Variants in LDHC observed in about 807,000 individuals in gnomAD.
LDHC encodes lactate dehydrogenase C.
A neutral mutation model predicts 30.2 loss-of-function variants in LDHC; 20 were observed. That is an observed-to-expected ratio of 0.66 (90% CI 0.47 to 0.96). The LOEUF (loss-of-function observed/expected upper bound fraction) is 0.96. LDHC is among the 40% of genes least tolerant of loss of function. The probability of loss-of-function intolerance (pLI) is 0.00; values close to 1 mark genes in which losing one functional copy is unlikely to be tolerated. For missense variants in LDHC, 362 were observed against 394.9 expected (o/e 0.92, Z 0.71); for synonymous variants, 139 against 132.7 (o/e 1.05, Z -0.32).
chr11:18,418,033 A>G (rs958511805), intron 3 of LDHC, among the ~76,000 whole-genome samples: 2 of 151,936 alleles, frequency 1.3e-5, no homozygotes, highest in Non-Finnish European at 2.9e-5. Flanking sequence ...GCTAAAATAT[A>G]TATAATAATA....
At chr11:18,421,602 G>A (rs977709037) in intron 3 of LDHC, among the ~76,000 whole-genome samples, 1 of 151,984 alleles carries the variant, frequency 6.6e-6, no homozygotes, top group Non-Finnish European at 1.5e-5. Context: ...TAACCTGGGA[G>A]ACGGAGGTGG....
chr11:18,432,533 A>T (rs180919630), intron 4 of LDHC, among the ~76,000 whole-genome samples: 102 of 152,182 alleles, frequency 6.7e-4, no homozygotes, highest in Non-Finnish European at 1.2e-3. Flanking sequence ...TTCTGTCTTG[A>T]TGACCTGTCT....
intron 3 of LDHC, among the ~76,000 whole-genome samples, chr11:18,420,441 G>A (rs1867099721): frequency 6.6e-6 from 1 of 152,026 alleles, no homozygotes; most frequent in African/African-American, 2.4e-5. Context: ...TACAGAAAAG[G>A]GAGAGGGTGA....
chr11:18,415,834 A>C (rs1017297982), intron 3 of LDHC, among the ~76,000 whole-genome samples: 11 of 152,000 alleles, frequency 7.2e-5, no homozygotes, highest in African/African-American at 2.7e-4. Context: ...CTGGGATTAC[A>C]GGCATGCGCT....
Position 18,415,144 on chromosome 11 carries a change from T to C in LDHC, c.127-40T>C, listed in dbSNP as rs1390926145. 3 of 1,141,288 alleles carry C rather than the reference T, an allele frequency of 2.6e-6. No homozygotes were observed. In the South Asian group the frequency reaches 4.1e-5, roughly 16 times the overall value. The allele number at this position is 1,141,288 out of a possible 1,614,324, so 70.7% of individuals were successfully genotyped here. On this transcript the variant is annotated intron_variant, in intron 2 of 7. Transcript: ENST00000541669. ...AAATTCTTCTTATTCTCCTAAAACT[T>C]AAGTAGGAACATTTTATTCAGAACT...
intron 2 of LDHC, among the ~76,000 whole-genome samples, chr11:18,413,988 CAT>C (rs1323143842): frequency 1.3e-5 from 2 of 152,216 alleles, no homozygotes; most frequent in African/African-American, 4.8e-5. Context: ...CATATCAAGA[CAT>C]AGTCTTTGTA....
intron 6 of LDHC, among the ~76,000 whole-genome samples, chr11:18,442,636 CAT>C (rs1017998213): frequency 5.8e-4 from 86 of 149,020 alleles, no homozygotes; most frequent in African/African-American, 2.0e-3. Context: ...CATTCAATCA[CAT>C]GTTTTATCTC....
intron 5 of LDHC, among the ~76,000 whole-genome samples, chr11:18,436,375 A>C (rs1018894631): frequency 2.0e-5 from 3 of 151,570 alleles, no homozygotes; most frequent in African/African-American, 7.3e-5. Context: ...TTCCTCTAAT[A>C]CTTTGAATTA....
In LDHC at chr11:18,451,770, C is replaced by G. The variant is rs1035784695; in HGVS notation, c.*643C>G. 1 of 152,232 alleles carries G rather than the reference C, an allele frequency of 6.6e-6. No homozygotes were observed. Among genetic ancestry groups the G allele is most frequent in the Admixed American group, 6.5e-5 (1 of 15,268 alleles). The allele number at this position is 152,232 out of a possible 1,614,324, so 9.4% of individuals were successfully genotyped here. On this transcript the variant is annotated 3_prime_UTR_variant, in exon 8 of 8. Coordinates refer to ENST00000541669, the MANE Select transcript of LDHC (RefSeq NM_017448.5). ...TTTGAGACCAGCCTTGGCAACATAG[C>G]AACACCCCATCTCTACAAAAATAAA...
chr11:18,429,859 G>C lies in LDHC; in HGVS notation c.367G>C (p.Ala123Pro). ...NVAIMKSIIP[A>P]IVHYSPDCKI... ...GGCTATAATGAAATCAATCATTCCT[G>C]CCATAGTCCATTATAGTCCTGATTG... is the stretch of plus-strand genomic sequence containing the variant. Residue 123 changes from alanine (A) to proline (P), a missense_variant, in exon 4 of 8, where the codon GCC becomes CCC. By Grantham distance (27) the Ala-to-Pro change is conservative. Transcript: ENST00000541669. 1 of 1,612,814 alleles carries C rather than the reference G, an allele frequency of 6.2e-7. No individual in the cohort carries two copies. The highest frequency in any genetic ancestry group is 8.5e-7 in the Non-Finnish European group (1 of 1,178,894).
chr11:18,412,501 G>A (rs1866909177), intron 1 of LDHC, 93 bp downstream of exon 1: 4 of 487,436 alleles, frequency 8.2e-6, no homozygotes, highest in African/African-American at 3.9e-5. Context: ...GTGGCTGGGG[G>A]CAGGGAGAAA....
At chr11:18,448,178 GA>G (rs760585825) in intron 7 of LDHC, among the ~76,000 whole-genome samples, 2 of 152,080 alleles carry the variant, frequency 1.3e-5, no homozygotes, top group Non-Finnish European at 2.9e-5. Context: ...GGACTCTGGA[GA>G]AAGAGTCAGG....
chr11:18,439,360 C>G (rs918880528), intron 6 of LDHC, among the ~76,000 whole-genome samples: 2 of 151,716 alleles, frequency 1.3e-5, no homozygotes, highest in Non-Finnish European at 2.9e-5. Context: ...GTCAGCAGTT[C>G]GAGACCAGCC....
intron 3 of LDHC, among the ~76,000 whole-genome samples, chr11:18,421,409 C>T (rs1459685957): frequency 6.8e-6 from 1 of 147,252 alleles, no homozygotes; most frequent in African/African-American, 2.5e-5. Context: ...TGTGGTGGCT[C>T]ACGCCAGTAA....
rs35749455 is a variant in LDHC at position 18,440,144 on chromosome 11, CAAAAAAA to C, written c.710+1513_710+1519del. Among the ~76,000 whole-genome samples, 15 of 83,040 alleles carry C rather than the reference CAAAAAAA, an allele frequency of 1.8e-4. No homozygotes were observed. In the South Asian group the frequency reaches 4.0e-3, roughly 22 times the overall value. 54.5% of individuals were successfully genotyped at this position (83,040 alleles called of 152,430 possible). A position where few individuals can be genotyped will look rare whatever the true frequency, so the allele number is the denominator to read the frequency against. ...GTGAAACTCCGTCTCTACTAAAATA[CAAAAAAA>C]AAAAAAAAAAAAATTAGCCGGGTGT... On this transcript the variant is annotated intron_variant, in intron 6 of 7. Coordinates refer to ENST00000541669, the MANE Select transcript of LDHC (RefSeq NM_017448.5).
chr11:18,432,365 T>C (rs1848281682), intron 4 of LDHC, among the ~76,000 whole-genome samples: 1 of 152,250 alleles, frequency 6.6e-6, no homozygotes, highest in Non-Finnish European at 1.5e-5. Context: ...TTATTGAGGC[T>C]CATTTTATGG....
intron 4 of LDHC, among the ~76,000 whole-genome samples, chr11:18,434,361 G>A (rs1200338791): frequency 1.3e-5 from 2 of 152,072 alleles, no homozygotes; most frequent in Non-Finnish European, 2.9e-5. Flanking sequence ...GAACTTATGT[G>A]ATTTTTGGGG....
chr11:18,442,650 TTCTC>T (rs1228517941), intron 6 of LDHC, among the ~76,000 whole-genome samples: 4 of 147,658 alleles, frequency 2.7e-5, no homozygotes, highest in African/African-American at 9.9e-5. Flanking sequence ...TTTTATCTCT[TTCTC>T]TCTCTCTTTT....
At position 18,438,586 on chromosome 11, in the gene LDHC, A is replaced by G. The variant is rs749333703; in HGVS notation, c.651A>G (p.Lys217=). 6.2e-7 allele frequency: 1 copy of G among 1,613,512 alleles called. No homozygotes were observed. The highest frequency in any genetic ancestry group is 8.5e-7 in the Non-Finnish European group (1 of 1,179,442). Residue 217 remains lysine, a synonymous_variant, in exon 6 of 8, where the codon AAA becomes AAG. Coordinates refer to ENST00000541669, the MANE Select transcript of LDHC (RefSeq NM_017448.5). The stretch of plus-strand genomic sequence containing the variant: ...TTGCTCTGAAGACTCTGGACCCTAA[A>G]TTAGGAACGGATTCAGATAAGGAAC... ...AGVALKTLDP[K]LGTDSDKEHW...
Sources: allele counts gnomAD v4.1 joint callset (sites outside exome capture counted in the v4.1 genomes callset), GRCh38; gene constraint gnomAD v4.1.1; transcripts MANE v1.5; gene names NCBI Gene and HGNC (gene_info 2026-07-23, HGNC 2026-07-21).